EPG5: variants seen among roughly 807,000 people sequenced by gnomAD.
EPG5 encodes the protein ectopic P granules protein 5 homolog.
EPG5 carries 159 observed loss-of-function variants against 302.7 expected under a neutral mutation model. The ratio of observed to expected loss-of-function variants is 0.53; its 90% CI spans 0.46 to 0.60. The LOEUF (loss-of-function observed/expected upper bound fraction) is 0.60, where lower values mean the gene tolerates loss of function less well. EPG5 is among the 20% of genes least tolerant of loss of function. The pLI, the probability that EPG5 is intolerant of heterozygous loss-of-function variation, is 0.00. For synonymous variants in EPG5, 1,158 were observed against 1,136.8 expected, an observed-to-expected ratio of 1.02 and a Z score of -0.37; for missense variants, 2,896 against 3,092.4, an observed-to-expected ratio of 0.94 and a Z score of 1.51.
At chr18:45,923,978 A>AATCGT (rs1272671158) in intron 14 of EPG5, among the ~76,000 whole-genome samples, 1 of 151,876 alleles carries the variant, frequency 6.6e-6, no homozygotes, top group African/African-American at 2.4e-5. Flanking sequence ...CAGTGAGCCA[A>AATCGT]ATCGTGCCAC....
intron 30 of EPG5, among the ~76,000 whole-genome samples, chr18:45,883,012 C>CAAA (rs35030980): frequency 6.9e-5 from 6 of 87,460 alleles, no homozygotes; most frequent in South Asian, 3.3e-4. Context: ...CGTCTCACAA[C>CAAA]AAAAAAAAAA....
Position 45,851,120 on chromosome 18 carries a change from T to C in EPG5, c.*1347A>G, listed in dbSNP as rs2048417802. Reference sequence around the variant, plus strand: ...TGGGGGAAGCATTCCAAAAGGACATTTGAGGAGAGATTAGCACTCTGTTAA... The same window carrying C: ...TGGGGGAAGCATTCCAAAAGGACATCTGAGGAGAGATTAGCACTCTGTTAA... On this transcript the variant is annotated 3_prime_UTR_variant, in exon 44 of 44. Transcript: ENST00000282041. The C allele has an allele frequency of 6.6e-6, 1 of 152,222 alleles. No individual in the cohort carries two copies. The highest frequency in any genetic ancestry group is 1.5e-5 in the Non-Finnish European group (1 of 68,024). The allele number at this position is 152,222 out of a possible 1,614,324, so 9.4% of individuals were successfully genotyped here. A position where few individuals can be genotyped will look rare whatever the true frequency, so the allele number is the denominator to read the frequency against.
chr18:45,956,479 C>T (rs909011492), intron 1 of EPG5, among the ~76,000 whole-genome samples: 2 of 145,254 alleles, frequency 1.4e-5, no homozygotes, highest in Non-Finnish European at 3.0e-5. Context: ...TTTTTTGAGA[C>T]GGAATCTTGC....
chr18:45,860,384 G>C, intron 39 of EPG5, 38 bp from the exon 40 acceptor site: 4 of 1,613,608 alleles, frequency 2.5e-6, no homozygotes, highest in Non-Finnish European at 3.4e-6. Context: ...ATGGCTGCCA[G>C]AAAGGTACTA....
chr18:45,949,538 GT>G lies in EPG5; in HGVS notation c.1442del (p.Asn481ThrfsTer39). 1 of 1,613,306 alleles carries G rather than the reference GT, an allele frequency of 6.2e-7. No homozygotes were observed. The highest frequency in any genetic ancestry group is 8.5e-7 in the Non-Finnish European group (1 of 1,179,494). On this transcript the variant is annotated frameshift_variant, in exon 5 of 44. Coordinates refer to ENST00000282041, the MANE Select transcript of EPG5 (RefSeq NM_020964.3). LOFTEE classifies it high-confidence loss of function. ...CACCAGCGGGGCATCGAAGAATATG[GT>G]TTAGAAGGAAGAGGTGATCTCCAGG... is the stretch of plus-strand genomic sequence containing the variant. Reference protein sequence around the residue: ...GCPGDHLFLLNHILRCPAGVS... With the variant: ...GCPGDHLFLLXHILRCPAGVS...
At position 45,954,442 on chromosome 18, in the gene EPG5, A is replaced by C. The variant is rs1390547473; in HGVS notation, c.960T>G (p.Asn320Lys). 6.2e-7 allele frequency: 1 copy of C among 1,613,990 alleles called. No individual in the cohort carries two copies. Among genetic ancestry groups the C allele is most frequent in the Non-Finnish European group, 8.5e-7 (1 of 1,179,962 alleles). The part of the protein sequence containing the change: ...ELLTLTSDCQ[N>K]AKSRLWQFKE... ...TAAACTGCCACAGCCGACTTTTAGCATTTTGGCAATCAGATGTCAGAGTAA... is the reference window on the plus strand; with the variant it reads ...TAAACTGCCACAGCCGACTTTTAGCCTTTTGGCAATCAGATGTCAGAGTAA... Residue 320 changes from asparagine to lysine, a missense_variant, in exon 2 of 44, where the codon AAT becomes AAG. This residue lies in a region of EPG5 where 1,390 missense variants were observed against 1,430.0 expected (regional missense o/e 0.97). Coordinates refer to ENST00000282041, the MANE Select transcript of EPG5 (RefSeq NM_020964.3).
chr18:45,908,144 A>C (rs2049803763), intron 23 of EPG5, 63 bp from the exon 24 acceptor site: 1 of 1,332,546 alleles, frequency 7.5e-7, no homozygotes, highest in African/African-American at 1.5e-5. Flanking sequence ...AAAGCTTCTT[A>C]CATCTCTAGG....
At chr18:45,957,708 G>C (rs2051062381) in intron 1 of EPG5, among the ~76,000 whole-genome samples, 1 of 152,162 alleles carries the variant, frequency 6.6e-6, no homozygotes, top group South Asian at 2.1e-4. Context: ...GGCCTATACT[G>C]TGTGTGCATG....
At chr18:45,910,817 A>G in intron 22 of EPG5, 75 bp from the exon 23 acceptor site, 1 of 1,167,402 alleles carries the variant, frequency 8.6e-7, no homozygotes, top group Non-Finnish European at 1.2e-6. Context: ...AATAGCAGTT[A>G]ATTAGCAAGG....
At chr18:45,807,587 A>G in the EPG5 span, among the ~76,000 whole-genome samples, 2 of 152,212 alleles carry the variant, frequency 1.3e-5, no homozygotes, top group Admixed American at 1.3e-4. Flanking sequence ...ACCAGACCAG[A>G]GCCTGGTAGA....
chr18:45,895,658 G>A (rs1213681879), intron 27 of EPG5, among the ~76,000 whole-genome samples: 1 of 152,210 alleles, frequency 6.6e-6, no homozygotes, highest in Non-Finnish European at 1.5e-5. Context: ...GGGAAAAGAT[G>A]TGACTACATA....
At chr18:45,938,614 C>T (rs2050590647) in intron 10 of EPG5, among the ~76,000 whole-genome samples, 1 of 152,152 alleles carries the variant, frequency 6.6e-6, no homozygotes, top group Non-Finnish European at 1.5e-5. Context: ...GATGAAACCA[C>T]ACAAGAAAAA....
At chr18:45,820,901 C>T in the EPG5 span, among the ~76,000 whole-genome samples, 1 of 152,158 alleles carries the variant, frequency 6.6e-6, no homozygotes, top group Non-Finnish European at 1.5e-5. Context: ...AGACTCATTA[C>T]CAAGTCCCTA....
chr18:45,885,420 A>C (rs999472850), intron 29 of EPG5, among the ~76,000 whole-genome samples: 3 of 152,166 alleles, frequency 2.0e-5, no homozygotes, highest in African/African-American at 7.2e-5. Flanking sequence ...TGAATCCACA[A>C]ACATGCAATG....
the EPG5 span, among the ~76,000 whole-genome samples, chr18:45,841,390 C>A: frequency 2.0e-5 from 3 of 152,124 alleles, no homozygotes; most frequent in African/African-American, 7.2e-5. Context: ...GCAGGCATTT[C>A]TGGAGGGTGG....
rs779782368 is a variant in EPG5 at position 45,949,531 on chromosome 18, G to A, written c.1450C>T (p.Leu484Phe). 2.5e-6 allele frequency: 4 copies of A among 1,613,086 alleles called. No homozygotes were observed. The African/African-American group carries it at 5.3e-5, about 22-fold the overall frequency. The change falls in exon 5 of 44, where the codon CTT becomes TTT. Residue 484 changes from leucine to phenylalanine, a missense_variant. Leu to Phe is a conservative substitution (Grantham distance 22). This residue lies in a region of EPG5 where 1,390 missense variants were observed against 1,430.0 expected (regional missense o/e 0.97). Transcript: ENST00000282041. ...GDHLFLLNHI[L>F]RCPAGVSKWA... is the part of the protein sequence containing the mutation. ...TTACTAACACCAGCGGGGCATCGAA[G>A]AATATGGTTTAGAAGGAAGAGGTGA...
the EPG5 span, among the ~76,000 whole-genome samples, chr18:45,811,601 G>T: frequency 1.3e-5 from 2 of 152,176 alleles, no homozygotes; most frequent in African/African-American, 4.8e-5. Context: ...GAGATACAAG[G>T]CTGGTTCAGC....
At chr18:45,833,329 T>G in the EPG5 span, among the ~76,000 whole-genome samples, 10 of 152,252 alleles carry the variant, frequency 6.6e-5, no homozygotes, top group African/African-American at 2.4e-4. Flanking sequence ...ATTATTATTA[T>G]TATTTGAGGC....
chr18:45,913,276 T>C (rs573741433), intron 21 of EPG5, among the ~76,000 whole-genome samples: 39 of 152,198 alleles, frequency 2.6e-4, no homozygotes, highest in Middle Eastern at 6.8e-3. Context: ...TATACTAAAA[T>C]AGAAGGTCTT....
Sources: allele counts gnomAD v4.1 joint callset (sites outside exome capture counted in the v4.1 genomes callset), GRCh38; gene constraint gnomAD v4.1.1; regional missense constraint gnomAD v4.1.1; transcripts MANE v1.5; gene names NCBI Gene and HGNC (gene_info 2026-07-23, HGNC 2026-07-21).